ZFAT: variants seen among roughly 807,000 people sequenced by gnomAD.
ZFAT encodes zinc finger and AT-hook domain containing.
ZFAT carries 64 observed loss-of-function variants against 117.7 expected under a neutral mutation model. The ratio of observed to expected loss-of-function variants is 0.54; its 90% confidence interval spans 0.44 to 0.67. The LOEUF is 0.67. Ranked by LOEUF, ZFAT falls within the 30% of genes least tolerant of loss-of-function variation. The probability of loss-of-function intolerance (pLI) is 0.00; values close to 1 mark genes in which losing one functional copy is unlikely to be tolerated. For synonymous variants in ZFAT, 679 were observed against 615.0 expected (o/e 1.10, Z -1.54); for missense variants, 1,433 against 1,584.5 (o/e 0.90, Z 1.62).
chr8:134,786,292 G>C, the ZFAT span, among the ~76,000 whole-genome samples: 1 of 152,158 alleles, frequency 6.6e-6, no homozygotes, highest in East Asian at 1.9e-4. Flanking sequence ...TGGAACAGAT[G>C]TATTAATACA....
the ZFAT span, among the ~76,000 whole-genome samples, chr8:134,820,093 G>A: frequency 2.6e-5 from 4 of 152,208 alleles, no homozygotes; most frequent in East Asian, 5.8e-4. Context: ...ATAGATTTAT[G>A]AAGGAAGCTT....
intron 11 of ZFAT, among the ~76,000 whole-genome samples, chr8:134,560,127 T>G (rs933780470): frequency 2.0e-5 from 3 of 152,122 alleles, no homozygotes; most frequent in Non-Finnish European, 1.5e-5. Flanking sequence ...GGCAGAGAGA[T>G]TCAAGATCAG....
intron 11 of ZFAT, among the ~76,000 whole-genome samples, chr8:134,564,156 A>C (rs1011978233): frequency 1.1e-4 from 16 of 142,112 alleles, no homozygotes; most frequent in Non-Finnish European, 1.2e-4. Context: ...GAGGAGTGAG[A>C]CTCCTTCTCA....
At chr8:134,603,023 C>A in intron 5 of ZFAT, 90 bp from the exon 6 acceptor site, 1 of 1,518,340 alleles carries the variant, frequency 6.6e-7, no homozygotes, top group Non-Finnish European at 8.8e-7. Context: ...ACACTAAAGG[C>A]TGAAAAGTGA....
At chr8:134,583,638 C>A (rs962059121) in intron 10 of ZFAT, among the ~76,000 whole-genome samples, 194 bp downstream of exon 10, 1 of 152,208 alleles carries the variant, frequency 6.6e-6, no homozygotes, top group South Asian at 2.1e-4. Context: ...GTTTATCCTG[C>A]ACCTGCTGGA....
At chr8:134,730,034 G>A in the ZFAT span, among the ~76,000 whole-genome samples, 1 of 152,168 alleles carries the variant, frequency 6.6e-6, no homozygotes, top group Non-Finnish European at 1.5e-5. Flanking sequence ...AGTTAGATTA[G>A]GCTGTTGTCT....
rs1429476764 is a variant in ZFAT at position 134,626,911 on chromosome 8, C to T, written c.448+10550G>A. ...GGTACTTTCACCAGGCAGATGTTTG[C>T]CGGGACTGCCTACATTGAGGGATTG... is the stretch of plus-strand genomic sequence containing the variant. On this transcript the variant is annotated intron_variant, in intron 3 of 15. Transcript: ENST00000377838. Among the ~76,000 whole-genome samples, 9 of 152,348 alleles carry T rather than the reference C, an allele frequency of 5.9e-5. No homozygotes were observed. In the South Asian group the frequency reaches 6.2e-4, roughly 11 times the overall value.
chr8:134,620,349 T>C (rs947915988), intron 3 of ZFAT, among the ~76,000 whole-genome samples: 3 of 152,166 alleles, frequency 2.0e-5, no homozygotes, highest in African/African-American at 7.2e-5. Flanking sequence ...AATCACTCCA[T>C]GCAGATGAAC....
chr8:134,702,442 C>A (rs1011127072), intron 1 of ZFAT, among the ~76,000 whole-genome samples: 2 of 152,150 alleles, frequency 1.3e-5, no homozygotes, highest in Non-Finnish European at 2.9e-5. Context: ...GTAGGAGGAA[C>A]CCAATGGGAG....
chr8:134,628,049 G>C (rs1466737509), intron 3 of ZFAT, among the ~76,000 whole-genome samples: 1 of 152,214 alleles, frequency 6.6e-6, no homozygotes, highest in Non-Finnish European at 1.5e-5. Context: ...CTGAGCACAA[G>C]GGAGGGGGAC....
chr8:134,583,042 C>G (rs533175152), intron 10 of ZFAT, among the ~76,000 whole-genome samples: 90 of 152,120 alleles, frequency 5.9e-4, no homozygotes, highest in Non-Finnish European at 1.2e-3. Context: ...GCCTGTCTTC[C>G]TAGAACAAAT....
chr8:134,567,629 T>G (rs922706396), intron 10 of ZFAT, among the ~76,000 whole-genome samples: 1 of 152,170 alleles, frequency 6.6e-6, no homozygotes, highest in Non-Finnish European at 1.5e-5. Context: ...CAGAGCAAAG[T>G]TGACGTTCCA....
chr8:134,558,226 T>C (rs1823793333), intron 11 of ZFAT, among the ~76,000 whole-genome samples: 1 of 152,214 alleles, frequency 6.6e-6, no homozygotes, highest in Non-Finnish European at 1.5e-5. Context: ...ACTCTCTTCA[T>C]GAAAGAGCAA....
At chr8:134,568,120 G>C (rs771773734) in intron 10 of ZFAT, among the ~76,000 whole-genome samples, 1 of 152,194 alleles carries the variant, frequency 6.6e-6, no homozygotes, top group Admixed American at 6.5e-5. Context: ...TGAAAATTTT[G>C]TACATCTTAT....
the ZFAT span, among the ~76,000 whole-genome samples, chr8:134,733,365 T>C: frequency 1.3e-5 from 2 of 151,938 alleles, no homozygotes; most frequent in African/African-American, 4.8e-5. Context: ...GTCATTGGAG[T>C]TTGAGACTCC....
chr8:134,757,077 C>T, the ZFAT span, among the ~76,000 whole-genome samples: 5 of 137,230 alleles, frequency 3.6e-5, no homozygotes, highest in African/African-American at 1.4e-4. Context: ...AGTGCAGTGG[C>T]ACAATCTGGG....
Position 134,478,617 on chromosome 8 carries a change from G to A in ZFAT, c.3597C>T (p.Ser1199=), listed in dbSNP as rs927243708. 1.1e-5 allele frequency: 17 copies of A among 1,586,886 alleles called. No individual in the cohort carries two copies. Among genetic ancestry groups the A allele is most frequent in the South Asian group, 9.2e-5 (8 of 86,590 alleles). ...LAEQHHLVVS[S]DDVEGIETVT... The stretch of plus-strand genomic sequence containing the variant: ...CCGTCTCAATGCCCTCCACGTCGTC[G>A]GAGGACACCACCAGGTGGTGCTGCT... Residue 1199 remains serine, a synonymous_variant, in exon 16 of 16, where the codon TCC becomes TCT. Coordinates refer to ENST00000377838, the MANE Select transcript of ZFAT (RefSeq NM_020863.4). The surrounding 1 kb of genome is among the most constrained non-coding windows in gnomAD (Gnocchi z 5.2).
At chr8:134,518,576 T>G (rs1820409179) in intron 13 of ZFAT, among the ~76,000 whole-genome samples, 1 of 152,168 alleles carries the variant, frequency 6.6e-6, no homozygotes, top group Non-Finnish European at 1.5e-5. Flanking sequence ...TTCTTTTCCC[T>G]GAACCTTTCT....
intron 5 of ZFAT, among the ~76,000 whole-genome samples, chr8:134,607,318 CAAG>C (rs1039062235): frequency 6.6e-6 from 1 of 152,166 alleles, no homozygotes; most frequent in Non-Finnish European, 1.5e-5. Flanking sequence ...TTCACATTTA[CAAG>C]AATAGAGGAT....
Sources: gnomAD v4.1 joint callset for allele counts (sites outside exome capture counted in the v4.1 genomes callset) on GRCh38, gnomAD v4.1.1 for gene constraint, Gnocchi (gnomAD v3.1) non-coding constraint, MANE v1.5 for transcripts, NCBI Gene and HGNC (gene_info 2026-07-23, HGNC 2026-07-21) for gene names.